FGGY: variants seen among roughly 807,000 people sequenced by gnomAD.
The protein encoded by FGGY is FGGY carbohydrate kinase domain-containing protein.
A neutral mutation model predicts 71.3 loss-of-function variants in FGGY; 72 were observed. That is an observed-to-expected ratio of 1.01 (90% CI 0.84 to 1.23). FGGY has a LOEUF of 1.23. Among genes scored for constraint, FGGY ranks in the 50% most tolerant of loss-of-function variants. The pLI, the probability that FGGY is intolerant of heterozygous loss-of-function variation, is 0.00. For missense variants in FGGY, 668 were observed against 682.3 expected (o/e 0.98, Z 0.23); for synonymous variants, 251 against 250.3 (o/e 1.00, Z -0.02).
At chr1:59,467,751 G>T (rs1185874087) in intron 6 of FGGY, among the ~76,000 whole-genome samples, 2 of 152,058 alleles carry the variant, frequency 1.3e-5, no homozygotes, top group Non-Finnish European at 2.9e-5. Context: ...TGTACTTTGG[G>T]TGTCAGATGA....
chr1:59,728,419 ATATAAT>A (rs1418669651), intron 14 of FGGY, among the ~76,000 whole-genome samples: 1 of 152,058 alleles, frequency 6.6e-6, no homozygotes, highest in African/African-American at 2.4e-5. Context: ...TACTTTAAAC[ATATAAT>A]TATAGATCAA....
chr1:59,643,549 A>G (rs1244831700), intron 11 of FGGY, among the ~76,000 whole-genome samples: 1 of 152,178 alleles, frequency 6.6e-6, no homozygotes, highest in African/African-American at 2.4e-5. Flanking sequence ...CTTATTAGGA[A>G]AGAACAAGTT....
chr1:59,439,167 G>C lies in FGGY; in HGVS notation c.555-17794G>C, dbSNP rs544537770. 3.3e-5 allele frequency among the ~76,000 whole-genome samples: 5 copies of C among 152,130 alleles called. No homozygotes were observed. The East Asian group carries it at 7.7e-4, about 24-fold the overall frequency. On this transcript the variant is annotated intron_variant, in intron 5 of 15. Transcript: ENST00000303721. ...ATGGGCCCATTTTCTCTCCTCCAGCGTACTGAATGGGACTGTGTCTTGTCT... is the reference window on the plus strand; with the variant it reads ...ATGGGCCCATTTTCTCTCCTCCAGCCTACTGAATGGGACTGTGTCTTGTCT...
chr1:59,413,394 G>A (rs1274558267), intron 5 of FGGY, among the ~76,000 whole-genome samples: 1 of 152,058 alleles, frequency 6.6e-6, no homozygotes, highest in African/African-American at 2.4e-5. Flanking sequence ...GGGAGAAAGA[G>A]GAAAAATGAT....
At chr1:59,713,305 T>G (rs1479133798) in intron 14 of FGGY, among the ~76,000 whole-genome samples, 1 of 152,226 alleles carries the variant, frequency 6.6e-6, no homozygotes, top group Admixed American at 6.5e-5. Flanking sequence ...TCTTCCTGTC[T>G]TCTTCTGAGT....
intron 5 of FGGY, among the ~76,000 whole-genome samples, chr1:59,406,468 G>A (rs765784250): frequency 1.3e-5 from 2 of 152,136 alleles, no homozygotes; most frequent in African/African-American, 2.4e-5. Flanking sequence ...AGAAAGCTGC[G>A]ATGTGCCTTA....
intron 4 of FGGY, among the ~76,000 whole-genome samples, chr1:59,375,880 T>G (rs1311680211): frequency 1.3e-5 from 1 of 78,450 alleles, no homozygotes; most frequent in Non-Finnish European, 2.8e-5. Context: ...TCTAAAGTAG[T>G]TTTTTTTTTT....
chr1:59,618,914 C>T (rs2096782943), intron 9 of FGGY, among the ~76,000 whole-genome samples: 1 of 152,026 alleles, frequency 6.6e-6, no homozygotes, highest in Non-Finnish European at 1.5e-5. Flanking sequence ...ATAATTACTT[C>T]ATGGATACAA....
chr1:59,355,679 G>A (rs956256943), intron 4 of FGGY, among the ~76,000 whole-genome samples: 3 of 152,144 alleles, frequency 2.0e-5, no homozygotes, highest in Admixed American at 2.0e-4. Context: ...CTGTGTGGCA[G>A]TATGAGGAAA....
Position 59,666,100 on chromosome 1 carries a change from G to T in FGGY, c.1297-1183G>T, listed in dbSNP as rs185553597. On this transcript the variant is annotated intron_variant, in intron 12 of 15. Transcript: ENST00000303721. ...CTGTCACACTTTCACTAAAAACCAAGATATTGGCTCATGCCTTCTTCTTGG... is the reference window on the plus strand; with the variant it reads ...CTGTCACACTTTCACTAAAAACCAATATATTGGCTCATGCCTTCTTCTTGG... Among the ~76,000 whole-genome samples the T allele has an allele frequency of 2.0e-5, 3 of 152,266 alleles. No individual in the cohort carries two copies. The East Asian group carries it at 5.8e-4, about 29-fold the overall frequency.
At chr1:59,723,997 T>C (rs1212950465) in intron 14 of FGGY, among the ~76,000 whole-genome samples, 1 of 150,248 alleles carries the variant, frequency 6.7e-6, no homozygotes, top group African/African-American at 2.5e-5. Flanking sequence ...ACCCCGTCTC[T>C]ACTAGAAATG....
At chr1:59,592,251 G>C (rs1382325269) in intron 8 of FGGY, among the ~76,000 whole-genome samples, 1 of 152,136 alleles carries the variant, frequency 6.6e-6, no homozygotes, top group Non-Finnish European at 1.5e-5. Flanking sequence ...TCTCACACCA[G>C]TTAGAATGGC....
At chr1:59,599,686 C>CAAAAAA (rs76397509) in intron 8 of FGGY, among the ~76,000 whole-genome samples, 2 of 49,424 alleles carry the variant, frequency 4.0e-5, no homozygotes, top group African/African-American at 7.0e-5. Context: ...GAGCAAGACT[C>CAAAAAA]AAAAAAAAAA....
Position 59,379,162 on chromosome 1 carries a change from A to ACACACACACACACACACAC in FGGY, c.554+325_554+326insCACACACACACACACACAC, listed in dbSNP as rs2059056932. On this transcript the variant is annotated intron_variant, in intron 5 of 15. Coordinates refer to ENST00000303721, the MANE Select transcript of FGGY (RefSeq NM_018291.5). ...ACATGATGAATAAAAGGAAAAAATA[A>ACACACACACACACACACAC]ACACACACACACACACACACACACA... is the stretch of plus-strand genomic sequence containing the variant. Among the ~76,000 whole-genome samples, 18 of 143,236 alleles carry ACACACACACACACACACAC rather than the reference A, an allele frequency of 1.3e-4. No homozygotes were observed. In the South Asian group the frequency reaches 3.8e-3, roughly 30 times the overall value. The allele number at this position is 143,236 out of a possible 152,430, so 94.0% of individuals were successfully genotyped here. A position where few individuals can be genotyped will look rare whatever the true frequency, so the allele number is the denominator to read the frequency against.
At position 59,522,230 on chromosome 1, in the gene FGGY, G is replaced by A. The variant is rs537774454; in HGVS notation, c.799+9791G>A. 4.6e-5 allele frequency among the ~76,000 whole-genome samples: 7 copies of A among 152,288 alleles called. No homozygotes were observed. The South Asian group carries it at 8.3e-4, about 18-fold the overall frequency. On this transcript the variant is annotated intron_variant, in intron 7 of 15. Transcript: ENST00000303721. ...ATAAAGTTGGGTTCCTGGACCCACC[G>A]ATTGCAGAGCCTATGAGCTCTCCCG...
rs544008697 is a variant in FGGY, at chr1:59,506,838, T to C, written c.671-5473T>C. On this transcript the variant is annotated intron_variant, in intron 6 of 15. Coordinates refer to ENST00000303721, the MANE Select transcript of FGGY (RefSeq NM_018291.5). ...ACAAGAAATGTAGACCAATTAGAAA[T>C]TAGAGAAAAAAGAAAAAAAGGAAAG... is the stretch of plus-strand genomic sequence containing the variant. Among the ~76,000 whole-genome samples, 38 of 151,786 alleles carry C rather than the reference T, an allele frequency of 2.5e-4. No individual in the cohort carries two copies. The Middle Eastern group carries it at 0.017, about 68-fold the overall frequency.
chr1:59,627,154 T>C (rs544412305), intron 10 of FGGY, among the ~76,000 whole-genome samples: 1 of 150,862 alleles, frequency 6.6e-6, no homozygotes, highest in East Asian at 2.0e-4. Context: ...ACAAAGGGGG[T>C]TGGGAAAAGA....
intron 6 of FGGY, among the ~76,000 whole-genome samples, chr1:59,491,039 C>CT (rs373309095): frequency 0.83 from 13,464 of 16,222 alleles, 6,636 homozygotes; most frequent in Non-Finnish European, 0.86. Context: ...CTTTCCTTTC[C>CT]TTCCTTCCTT....
chr1:59,586,514 G>T (rs985577256), intron 8 of FGGY, among the ~76,000 whole-genome samples: 5 of 152,182 alleles, frequency 3.3e-5, no homozygotes, highest in South Asian at 2.1e-4. Context: ...TGGTGGGGTC[G>T]GGGGAGTGGG....
Sources: gnomAD v4.1 joint callset for allele counts (sites outside exome capture counted in the v4.1 genomes callset) on GRCh38, gnomAD v4.1.1 for gene constraint, MANE v1.5 for transcripts, NCBI Gene and HGNC (gene_info 2026-07-23, HGNC 2026-07-21) for gene names.